Variants in ZNF251 observed in about 807,000 individuals in gnomAD.
ZNF251 encodes the protein zinc finger protein 251.
ZNF251 carries 14 observed loss-of-function variants against 13.5 expected under a neutral mutation model. The ratio of observed to expected loss-of-function variants is 1.04; its 90% CI spans 0.69 to 1.63. The LOEUF is 1.63. Among genes scored for constraint, ZNF251 ranks in the 40% most tolerant of loss-of-function variants. The pLI is 0.00. For missense variants in ZNF251, 764 were observed against 834.9 expected (o/e 0.92, Z 1.05); for synonymous variants, 287 against 295.2 (o/e 0.97, Z 0.28).
At chr8:144,737,049 C>T (rs1451271974) in intron 4 of ZNF251, among the ~76,000 whole-genome samples, 1 of 151,970 alleles carries the variant, frequency 6.6e-6, no homozygotes, top group Admixed American at 6.6e-5. Context: ...GATGATCCGC[C>T]TGCCTTAGCT....
At chr8:144,731,948 A>T (rs181550220) in intron 4 of ZNF251, among the ~76,000 whole-genome samples, 8,839 of 141,776 alleles carry the variant, frequency 0.062, 916 homozygotes, top group African/African-American at 0.22. Flanking sequence ...TGACAGCTGC[A>T]TTTTTTTTTT....
At chr8:144,729,293 C>T (rs1179337317) in intron 4 of ZNF251, among the ~76,000 whole-genome samples, 1 of 151,436 alleles carries the variant, frequency 6.6e-6, no homozygotes, top group Non-Finnish European at 1.5e-5. Context: ...GCGTAGTGCC[C>T]TTTTAGCAAG....
Position 144,723,082 on chromosome 8 carries a change from T to C in ZNF251, c.578A>G (p.Asp193Gly), listed in dbSNP as rs779868000. The C allele has an allele frequency of 2.9e-5, 47 of 1,614,058 alleles. No individual in the cohort carries two copies. In the East Asian group the frequency reaches 9.8e-4, roughly 34 times the overall value. Residue 193 changes from aspartate to glycine, a missense_variant, in exon 5 of 5, where the codon GAC (aspartate) becomes GGC (glycine). Transcript: ENST00000292562. ...TCTTTGAAGTCTAACAACATTTTGG[T>C]CCAGATTCAAGTTTCTATCAAATGC... Reference protein sequence around the residue: ...CSAFDRNLNLDQNVVRLQRNK... With the variant: ...CSAFDRNLNLGQNVVRLQRNK...
At chr8:144,744,219 C>G (rs981545317) in intron 4 of ZNF251, among the ~76,000 whole-genome samples, 3 of 152,010 alleles carry the variant, frequency 2.0e-5, no homozygotes, top group Admixed American at 2.0e-4. Flanking sequence ...ACCATGTTGG[C>G]CAGGCTGGTC....
At chr8:144,752,506 A>C (rs1824744989) in intron 4 of ZNF251, among the ~76,000 whole-genome samples, 1 of 152,242 alleles carries the variant, frequency 6.6e-6, no homozygotes, top group Admixed American at 6.5e-5. Flanking sequence ...ATGAAAATAC[A>C]ACATATTAAA....
Position 144,734,385 on chromosome 8 carries a change from G to A in ZNF251, c.278-11003C>T, listed in dbSNP as rs1268054340. Among the ~76,000 whole-genome samples, 3 of 152,178 alleles carry A rather than the reference G, an allele frequency of 2.0e-5. No individual in the cohort carries two copies. The highest frequency in any genetic ancestry group is 2.9e-5 in the Non-Finnish European group (2 of 68,034). On this transcript the variant is annotated intron_variant, in intron 4 of 4. Transcript: ENST00000292562. This position sits in a 1 kb window ranked among gnomAD's most constrained non-coding sequence, Gnocchi z 4.4. ...ACGGGTCTAATCCCTGGCACAAACC[G>A]GCTACGATTGGTGGGCAAAAGCAAA...
intron 4 of ZNF251, among the ~76,000 whole-genome samples, chr8:144,728,057 T>C (rs1010456997): frequency 4.6e-5 from 7 of 152,160 alleles, no homozygotes; most frequent in Non-Finnish European, 8.8e-5. Flanking sequence ...CACCGCACCT[T>C]CCTTACTAAA....
chr8:144,735,885 T>C (rs1823872320), intron 4 of ZNF251, among the ~76,000 whole-genome samples: 2 of 152,052 alleles, frequency 1.3e-5, no homozygotes, highest in Admixed American at 1.3e-4. Context: ...TGTGCAAAGG[T>C]GAGACATGGG....
chr8:144,741,363 TACAC>T (rs1563765143), intron 4 of ZNF251, among the ~76,000 whole-genome samples: 1 of 152,042 alleles, frequency 6.6e-6, no homozygotes, highest in African/African-American at 2.4e-5. Flanking sequence ...CACACACTCA[TACAC>T]ACACTCACAC....
At chr8:144,738,223 C>T (rs564525374) in intron 4 of ZNF251, among the ~76,000 whole-genome samples, 12 of 152,288 alleles carry the variant, frequency 7.9e-5, no homozygotes, top group African/African-American at 1.7e-4. Context: ...CACTCTGCCT[C>T]GTGGAGTCTC....
At chr8:144,733,919 T>A (rs1186028744) in intron 4 of ZNF251, among the ~76,000 whole-genome samples, 1 of 152,260 alleles carries the variant, frequency 6.6e-6, no homozygotes, top group African/African-American at 2.4e-5. Flanking sequence ...ATGCTTCAGC[T>A]GCGCCTGGCT....
chr8:144,749,418 A>T (rs1824585440), intron 4 of ZNF251, among the ~76,000 whole-genome samples: 1 of 152,114 alleles, frequency 6.6e-6, no homozygotes, highest in African/African-American at 2.4e-5. Flanking sequence ...CTGGGAGGTC[A>T]AAGCTTTCAA....
In ZNF251 at chr8:144,745,188, C is replaced by CTTT. The variant is rs746070716; in HGVS notation, c.277+8492_277+8494dup. Among the ~76,000 whole-genome samples, 2,385 of 114,516 alleles carry CTTT rather than the reference C, an allele frequency of 0.021. 238 individuals are homozygous for CTTT. In the East Asian group the frequency reaches 0.33, roughly 16 times the overall value. 75.1% of individuals were successfully genotyped at this position (114,516 alleles called of 152,430 possible). On this transcript the variant is annotated intron_variant, in intron 4 of 4. Coordinates refer to ENST00000292562, the MANE Select transcript of ZNF251 (RefSeq NM_138367.2). ...ATTTTTTGTGATGGGTGTCTAGATTCTTTTTTTTTTTTTTTTTTTGGCACG... is the reference window on the plus strand; with the variant it reads ...ATTTTTTGTGATGGGTGTCTAGATTCTTTTTTTTTTTTTTTTTTTTTTGGCACG...
At chr8:144,729,788 G>A (rs948085287) in intron 4 of ZNF251, among the ~76,000 whole-genome samples, 10 of 152,134 alleles carry the variant, frequency 6.6e-5, no homozygotes, top group Admixed American at 5.2e-4. Flanking sequence ...TTGAGCCCAC[G>A]AGGTGGAGGC....
intron 1 of ZNF251, chr8:144,755,145 G>C: frequency 1.7e-6 from 2 of 1,196,924 alleles, no homozygotes; most frequent in South Asian, 3.2e-5. Context: ...CCAAGGCTGA[G>C]GACGTGAGAA....
rs1563754008 is a variant in ZNF251, at chr8:144,723,170, C to T, written c.490G>A (p.Val164Ile). Residue 164 changes from valine (V) to isoleucine (I), a missense_variant, in exon 5 of 5, where the codon GTT (valine) becomes ATT (isoleucine). By Grantham distance (29) the Val-to-Ile change is conservative. Transcript: ENST00000292562. ...SLNKPNIHKR[V>I]LTEATVGRER... is the part of the protein sequence containing the mutation. ...CTGCCCACGGTAGCTTCTGTTAAAA[C>T]TCTCTTGTGAATATTGGGTTTGTTC... 6.2e-7 allele frequency: 1 copy of T among 1,612,518 alleles called. No individual in the cohort carries two copies. Among genetic ancestry groups the T allele is most frequent in the East Asian group, 2.2e-5 (1 of 44,874 alleles).
intron 4 of ZNF251, among the ~76,000 whole-genome samples, chr8:144,750,654 A>T (rs190071764): frequency 2.0e-5 from 3 of 152,208 alleles, no homozygotes; most frequent in Admixed American, 2.0e-4. Context: ...CTGGAGGTAA[A>T]GCTCACAAAA....
chr8:144,753,779 G>T lies in ZNF251; in HGVS notation c.181C>A (p.Pro61Thr). 1 of 1,584,148 alleles carries T rather than the reference G, an allele frequency of 6.3e-7. No individual in the cohort carries two copies. Among genetic ancestry groups the T allele is most frequent in the Non-Finnish European group, 8.6e-7 (1 of 1,164,404 alleles). The change falls in exon 4 of 5, where the codon CCG (proline) becomes ACG (threonine). Residue 61 changes from proline (P) to threonine (T), a missense_variant. By Grantham distance (38) the Pro-to-Thr change is conservative. Coordinates refer to ENST00000292562, the MANE Select transcript of ZNF251 (RefSeq NM_138367.2). ...VASLGFPVPK[P>T]ELISQLEQGK... ...TGCTCCAGCTGGGAGATCAACTCCGGCTTAGGGACAGGGAATCCTGTTGAG... is the reference window on the plus strand; with the variant it reads ...TGCTCCAGCTGGGAGATCAACTCCGTCTTAGGGACAGGGAATCCTGTTGAG...
intron 4 of ZNF251, among the ~76,000 whole-genome samples, chr8:144,743,354 G>A (rs1352722393): frequency 3.3e-5 from 5 of 152,144 alleles, no homozygotes; most frequent in Non-Finnish European, 5.9e-5. Flanking sequence ...ATGAAGCACC[G>A]TGCCCGGCCA....
Sources: gnomAD v4.1 joint callset for allele counts (sites outside exome capture counted in the v4.1 genomes callset) on GRCh38, gnomAD v4.1.1 for gene constraint, Gnocchi (gnomAD v3.1) non-coding constraint, MANE v1.5 for transcripts, NCBI Gene and HGNC (gene_info 2026-07-23, HGNC 2026-07-21) for gene names.